The following MDGA2 variants were observed in gnomAD, a reference collection of about 807,000 sequenced individuals.
MDGA2 encodes MAM domain containing glycosylphosphatidylinositol anchor 2, also known as MAM domain-containing glycosylphosphatidylinositol anchor protein 2.
MDGA2 carries 40 observed loss-of-function variants against 117.8 expected under a neutral mutation model. The ratio of observed to expected loss-of-function variants is 0.34; its 90% confidence interval spans 0.26 to 0.44. The LOEUF (loss-of-function observed/expected upper bound fraction) is 0.44. Among genes scored for constraint, MDGA2 ranks in the 20% least tolerant of loss-of-function variants. The probability of loss-of-function intolerance (pLI) is 1.00; values close to 1 mark genes in which losing one functional copy is unlikely to be tolerated. For missense variants in MDGA2, 1,123 were observed against 1,250.6 expected, an observed-to-expected ratio of 0.90 and a Z score of 1.54; for synonymous variants, 452 against 439.0, an observed-to-expected ratio of 1.03 and a Z score of -0.37.
chr14:47,161,927 CTTTTTTTTTTTTTTTTTTTTT>C (rs71112489), intron 3 of MDGA2, among the ~76,000 whole-genome samples: 7 of 52,508 alleles, frequency 1.3e-4, no homozygotes, highest in Non-Finnish European at 1.8e-4. Flanking sequence ...TCCCCAGATC[CTTTTTTTTTTTTTTTTTTTTT>C]TTTTTTTTTT....
At chr14:47,674,380 T>C in intron 1 of MDGA2, 137 bp downstream of exon 1, 1 of 725,086 alleles carries the variant, frequency 1.4e-6, no homozygotes, top group East Asian at 3.0e-5. Flanking sequence ...TCTTTATCGC[T>C]CCCAATAACG....
At chr14:47,334,950 A>G (rs1459482312) in intron 1 of MDGA2, among the ~76,000 whole-genome samples, 1 of 151,968 alleles carries the variant, frequency 6.6e-6, no homozygotes, top group African/African-American at 2.4e-5. Context: ...TGTGAATTGC[A>G]TAACTGCTAA....
chr14:47,057,746 C>T (rs1457707246), intron 7 of MDGA2, among the ~76,000 whole-genome samples: 2 of 150,894 alleles, frequency 1.3e-5, no homozygotes, highest in East Asian at 4.0e-4. Context: ...CCCTGCCCTG[C>T]CTTGCCTTGC....
At chr14:47,024,286 C>CTT in intron 8 of MDGA2, among the ~76,000 whole-genome samples, 1 of 152,148 alleles carries the variant, frequency 6.6e-6, no homozygotes, top group South Asian at 2.1e-4. Flanking sequence ...TTTAACTGAG[C>CTT]TATAAAGCAC....
chr14:47,545,787 A>G (rs2138765858), intron 1 of MDGA2, among the ~76,000 whole-genome samples: 1 of 152,290 alleles, frequency 6.6e-6, no homozygotes, highest in South Asian at 2.1e-4. Flanking sequence ...GTGGTGGGCT[A>G]CAAAAAGAAA....
At chr14:47,578,658 T>C (rs1016010992) in intron 1 of MDGA2, among the ~76,000 whole-genome samples, 2 of 152,180 alleles carry the variant, frequency 1.3e-5, no homozygotes, top group African/African-American at 4.8e-5. Context: ...TATTTTTCTT[T>C]TTAATTCATC....
At chr14:46,866,666 A>C (rs1452203784) in intron 14 of MDGA2, among the ~76,000 whole-genome samples, 1 of 151,932 alleles carries the variant, frequency 6.6e-6, no homozygotes, top group African/African-American at 2.4e-5. Flanking sequence ...AATATCCAGA[A>C]TCTACAATGA....
rs146396567 is a variant in MDGA2 at position 46,894,692 on chromosome 14, C to T, written c.2239-12471G>A. Among the ~76,000 whole-genome samples, 419 of 152,180 alleles carry T rather than the reference C, an allele frequency of 2.8e-3. 8 individuals are homozygous for T. Among genetic ancestry groups the T allele is most frequent in the East Asian group, 2.3e-3 (12 of 5,164 alleles). ...AATGACAGGGTATTTCATACTGCCT[C>T]AGGAAAGAATTTGTATGTATTACTG... On this transcript the variant is annotated intron_variant, in intron 10 of 16. Transcript: ENST00000399232.
chr14:47,295,244 G>T (rs908823091), intron 2 of MDGA2, among the ~76,000 whole-genome samples: 29 of 152,116 alleles, frequency 1.9e-4, no homozygotes, highest in South Asian at 4.1e-4. Flanking sequence ...ATTTTTGAAC[G>T]GAGAAGGTCA....
intron 1 of MDGA2, among the ~76,000 whole-genome samples, chr14:47,524,489 C>T (rs1167698747): frequency 2.0e-5 from 3 of 152,108 alleles, no homozygotes; most frequent in Non-Finnish European, 4.4e-5. Flanking sequence ...AATTAAGCTA[C>T]AGTATGCTAA....
intron 9 of MDGA2, among the ~76,000 whole-genome samples, chr14:46,950,365 T>A (rs17117786): frequency 0.12 from 17,863 of 151,998 alleles, 2,007 homozygotes; most frequent in African/African-American, 0.27. Context: ...TGTTAGTTTA[T>A]CTGTCAAAGG....
chr14:47,102,505 C>T (rs1880396376), intron 5 of MDGA2, among the ~76,000 whole-genome samples: 2 of 151,952 alleles, frequency 1.3e-5, no homozygotes, highest in African/African-American at 2.4e-5. Flanking sequence ...CAGGTCCTGG[C>T]ACAGCAGTTG....
intron 8 of MDGA2, among the ~76,000 whole-genome samples, chr14:46,980,820 T>C (rs1195732582): frequency 6.6e-6 from 1 of 152,206 alleles, no homozygotes; most frequent in Non-Finnish European, 1.5e-5. Flanking sequence ...GTACACTTTT[T>C]AGACATAATG....
rs1176791678 is a variant in MDGA2, at chr14:47,490,676, C to A, written c.280+183841G>T. Among the ~76,000 whole-genome samples the A allele has an allele frequency of 3.9e-5, 6 of 151,948 alleles. No homozygotes were observed. The South Asian group carries it at 1.2e-3, about 32-fold the overall frequency. On this transcript the variant is annotated intron_variant, in intron 1 of 16. Coordinates refer to ENST00000399232, the MANE Select transcript of MDGA2 (RefSeq NM_001113498.3). Reference sequence around the variant, plus strand: ...GTTAAATTGTAGAATTTTAAGAGAACAGGAATATGATGTAAGAATTTACAA... The same window carrying A: ...GTTAAATTGTAGAATTTTAAGAGAAAAGGAATATGATGTAAGAATTTACAA...
chr14:47,462,480 A>G lies in MDGA2; in HGVS notation c.281-160930T>C, dbSNP rs188526754. Among the ~76,000 whole-genome samples the G allele has an allele frequency of 1.9e-3, 296 of 152,354 alleles. 1 individual carries two copies. Among genetic ancestry groups the G allele is most frequent in the African/African-American group, 6.9e-3 (285 of 41,582 alleles). On this transcript the variant is annotated intron_variant, in intron 1 of 16. Coordinates refer to ENST00000399232, the MANE Select transcript of MDGA2 (RefSeq NM_001113498.3). The stretch of plus-strand genomic sequence containing the variant: ...TGGTAACTAGGAATGATGGAAACAG[A>G]CAAAAAGAATAACTGCTTCATACGG...
chr14:47,365,692 G>T (rs960248045), intron 1 of MDGA2, among the ~76,000 whole-genome samples: 57 of 152,188 alleles, frequency 3.7e-4, no homozygotes, highest in African/African-American at 1.3e-3. Context: ...GTAAAGGTGT[G>T]GCCAACATAT....
intron 8 of MDGA2, among the ~76,000 whole-genome samples, chr14:47,020,146 C>A (rs2416011): frequency 0.45 from 68,946 of 151,860 alleles, 16,182 homozygotes; most frequent in East Asian, 0.79. Flanking sequence ...TGCGGATCTT[C>A]AATCTTTTTC....
intron 6 of MDGA2, among the ~76,000 whole-genome samples, chr14:47,072,313 AT>A (rs1349873074): frequency 6.6e-6 from 1 of 152,122 alleles, no homozygotes; most frequent in African/African-American, 2.4e-5. Context: ...TGAAAATACA[AT>A]TTTTTAAGTG....
intron 1 of MDGA2, among the ~76,000 whole-genome samples, chr14:47,339,547 C>T (rs1358026397): frequency 2.0e-5 from 3 of 151,842 alleles, no homozygotes; most frequent in East Asian, 3.9e-4. Context: ...GTCTGTGTGC[C>T]TGTGAAATCT....
Sources: gnomAD v4.1 joint callset for allele counts (sites outside exome capture counted in the v4.1 genomes callset) on GRCh38, gnomAD v4.1.1 for gene constraint, MANE v1.5 for transcripts, NCBI Gene and HGNC (gene_info 2026-07-23, HGNC 2026-07-21) for gene names.